The following ZFPM2 variants were observed in gnomAD, a reference collection of about 807,000 sequenced individuals.
ZFPM2 encodes zinc finger protein ZFPM2.
In ZFPM2, 20 loss-of-function variants were observed where a neutral mutation model predicts 98.6. That is an observed-to-expected ratio of 0.20 (90% CI 0.14 to 0.29). ZFPM2 has a LOEUF of 0.29. Among genes scored for constraint, ZFPM2 ranks in the 10% least tolerant of loss-of-function variants. The probability of loss-of-function intolerance (pLI) is 1.00; values close to 1 mark genes in which losing one functional copy is unlikely to be tolerated. For synonymous variants in ZFPM2, 518 were observed against 502.7 expected (o/e 1.03, Z -0.41); for missense variants, 1,310 against 1,388.6 (o/e 0.94, Z 0.90).
At chr8:105,425,810 G>A (rs4734864) in intron 2 of ZFPM2, among the ~76,000 whole-genome samples, 52,128 of 152,036 alleles carry the variant, frequency 0.34, 11,236 homozygotes, top group African/African-American at 0.61. Context: ...TAAAGCAACA[G>A]AAGTTTTGTC....
At chr8:105,603,834 G>T (rs1010378894) in intron 4 of ZFPM2, among the ~76,000 whole-genome samples, 3 of 151,958 alleles carry the variant, frequency 2.0e-5, no homozygotes, top group Non-Finnish European at 4.4e-5. Context: ...CCTCCTTCCT[G>T]AAGCACTGTC....
chr8:105,574,352 G>A (rs1815418051), intron 4 of ZFPM2, among the ~76,000 whole-genome samples: 1 of 152,216 alleles, frequency 6.6e-6, no homozygotes, highest in African/African-American at 2.4e-5. Context: ...AGGTTAAGTG[G>A]TCAAACTGCC....
At chr8:105,643,182 G>A (rs188487512) in intron 5 of ZFPM2, among the ~76,000 whole-genome samples, 5 of 152,226 alleles carry the variant, frequency 3.3e-5, no homozygotes, top group Middle Eastern at 3.4e-3. Flanking sequence ...CAGGACTTAC[G>A]TGTCATGAAA....
chr8:105,613,720 G>T (rs1035574046), intron 4 of ZFPM2, among the ~76,000 whole-genome samples: 2 of 152,072 alleles, frequency 1.3e-5, no homozygotes, highest in Non-Finnish European at 2.9e-5. Context: ...TTCAGTTTAA[G>T]ACTCTGTTAT....
At chr8:105,738,798 A>G (rs866588196) in intron 5 of ZFPM2, among the ~76,000 whole-genome samples, 20 of 151,954 alleles carry the variant, frequency 1.3e-4, no homozygotes, top group African/African-American at 4.8e-4. Flanking sequence ...TCATATGAAA[A>G]AGCAGCTAAA....
intron 5 of ZFPM2, among the ~76,000 whole-genome samples, chr8:105,766,772 T>C (rs914651032): frequency 2.0e-5 from 3 of 151,830 alleles, no homozygotes; most frequent in African/African-American, 4.8e-5. Context: ...GATCAGAAGA[T>C]GATTGCTAGA....
chr8:105,359,367 CTT>C (rs111675257), intron 1 of ZFPM2, among the ~76,000 whole-genome samples: 12 of 135,310 alleles, frequency 8.9e-5, no homozygotes, highest in Non-Finnish European at 9.4e-5. Flanking sequence ...CTTTTTCTTT[CTT>C]TTTTTTTTTT....
intron 3 of ZFPM2, among the ~76,000 whole-genome samples, chr8:105,487,925 TCTATCTAGCTAG>T (rs1353514683): frequency 2.7e-4 from 30 of 111,060 alleles, no homozygotes; most frequent in Middle Eastern, 4.2e-3. Context: ...TATCTATCTA[TCTATCTAGCTAG>T]CTAGCTAGCT....
At chr8:105,483,729 TTC>T (rs1813170897) in intron 3 of ZFPM2, among the ~76,000 whole-genome samples, 1 of 152,026 alleles carries the variant, frequency 6.6e-6, no homozygotes, top group South Asian at 2.1e-4. Flanking sequence ...CATCTGTCTT[TTC>T]TCTTTGATTA....
chr8:105,431,304 A>G (rs551225548), intron 2 of ZFPM2, among the ~76,000 whole-genome samples: 1 of 152,300 alleles, frequency 6.6e-6, no homozygotes, highest in East Asian at 1.9e-4. Context: ...GTTACTATGG[A>G]GGGTTTACAG....
At position 105,580,760 on chromosome 8, in the gene ZFPM2, C is replaced by T. The variant is rs992282181; in HGVS notation, c.420+19279C>T. On this transcript the variant is annotated intron_variant, in intron 4 of 7. Transcript: ENST00000407775. ...TCTCCCTAGAAAAGTCCTGACATAGCGTGACTAAGAATAGTAACAGTGCAA... is the reference window on the plus strand; with the variant it reads ...TCTCCCTAGAAAAGTCCTGACATAGTGTGACTAAGAATAGTAACAGTGCAA... Among the ~76,000 whole-genome samples the T allele has an allele frequency of 8.7e-5, 13 of 149,568 alleles. No individual in the cohort carries two copies. The East Asian group carries it at 9.9e-4, about 11-fold the overall frequency.
intron 3 of ZFPM2, among the ~76,000 whole-genome samples, chr8:105,457,426 A>G (rs1231733845): frequency 6.6e-6 from 1 of 152,204 alleles, no homozygotes; most frequent in Non-Finnish European, 1.5e-5. Context: ...ACTATGCAGT[A>G]GGCTCCCAGG....
intron 5 of ZFPM2, among the ~76,000 whole-genome samples, chr8:105,720,785 T>C (rs1811643012): frequency 6.6e-6 from 1 of 151,770 alleles, no homozygotes; most frequent in Non-Finnish European, 1.5e-5. Context: ...TACCAATAGC[T>C]CTATCACCTG....
Position 105,658,605 on chromosome 8 carries a change from A to G in ZFPM2, c.532+24248A>G. ...CCGTCTCAAAAAAAAAAAAAAAAAA[A>G]AAAAAAGAAATCAAAGCAGACTGCA... On this transcript the variant is annotated intron_variant, in intron 5 of 7. Transcript: ENST00000407775. 4.9e-5 allele frequency among the ~76,000 whole-genome samples: 2 copies of G among 40,496 alleles called. 1 individual carries two copies. Among genetic ancestry groups the G allele is most frequent in the Non-Finnish European group, 9.8e-5 (2 of 20,512 alleles). The allele number at this position is 40,496 out of a possible 152,430, so 26.6% of individuals were successfully genotyped here.
intron 4 of ZFPM2, among the ~76,000 whole-genome samples, chr8:105,601,444 G>A (rs1204942910): frequency 3.3e-5 from 5 of 151,994 alleles, no homozygotes; most frequent in Non-Finnish European, 5.9e-5. Flanking sequence ...TAGCTAAAAT[G>A]GTGACAAAAT....
intron 1 of ZFPM2, among the ~76,000 whole-genome samples, chr8:105,355,798 G>A (rs1488587649): frequency 2.0e-5 from 3 of 152,156 alleles, no homozygotes; most frequent in Non-Finnish European, 4.4e-5. Flanking sequence ...ACTACAGTGT[G>A]TGTTGCAGCA....
chr8:105,569,490 G>A (rs1426035940), intron 4 of ZFPM2, among the ~76,000 whole-genome samples: 1 of 152,104 alleles, frequency 6.6e-6, no homozygotes, highest in Non-Finnish European at 1.5e-5. Flanking sequence ...TTATAGACTT[G>A]CACTTTTATT....
chr8:105,404,964 CATGATGA>C (rs1193627873), intron 1 of ZFPM2, among the ~76,000 whole-genome samples: 2 of 152,056 alleles, frequency 1.3e-5, no homozygotes, highest in African/African-American at 4.8e-5. Flanking sequence ...CCCTGCTAAG[CATGATGA>C]AATGGAATTC....
At chr8:105,524,802 T>C (rs1814139479) in intron 3 of ZFPM2, among the ~76,000 whole-genome samples, 1 of 152,164 alleles carries the variant, frequency 6.6e-6, no homozygotes, top group Admixed American at 6.5e-5. Flanking sequence ...AACTTTCTTT[T>C]ACGGCTCTAA....
Sources: gnomAD v4.1 joint callset for allele counts (sites outside exome capture counted in the v4.1 genomes callset) on GRCh38, gnomAD v4.1.1 for gene constraint, MANE v1.5 for transcripts, NCBI Gene and HGNC (gene_info 2026-07-23, HGNC 2026-07-21) for gene names.